The following CEBPZOS variants were observed in gnomAD, a reference collection of about 807,000 sequenced individuals.
The protein encoded by CEBPZOS is CEBPZ opposite strand.
A neutral mutation model predicts 4.8 loss-of-function variants in CEBPZOS; 10 were observed. The observed-to-expected ratio is 2.07, with a 90% CI of 1.28 to 3.52. The LOEUF (loss-of-function observed/expected upper bound fraction) is 3.52, where lower values mean the gene tolerates loss of function less well. CEBPZOS is among the 30% of genes most tolerant of loss of function. The pLI is 0.00. For synonymous variants in CEBPZOS, 25 were observed against 14.2 expected (o/e 1.77, Z -1.72); for missense variants, 98 against 43.6 (o/e 2.25, Z -3.51).
chr2:37,214,832 T>C (rs1558472496), downstream of CEBPZOS: 1 of 1,141,518 alleles, frequency 8.8e-7, no homozygotes, highest in Non-Finnish European at 1.3e-6. Flanking sequence ...TTATGAAATC[T>C]AAAAATTTAA....
At chr2:37,213,821 ATAG>A (rs1558471885), downstream of CEBPZOS, 3 of 1,309,554 alleles carry the variant, frequency 2.3e-6, no homozygotes, top group South Asian at 1.2e-5. Context: ...CTATTAACAC[ATAG>A]TAGTAGATTA....
downstream of CEBPZOS, among the ~76,000 whole-genome samples, chr2:37,215,150 T>C (rs1677837682): frequency 6.6e-6 from 1 of 151,590 alleles, no homozygotes; most frequent in South Asian, 2.1e-4. Flanking sequence ...CATTTGAAAC[T>C]TCACTGGCTA....
intron 4 of CEBPZOS, chr2:37,212,697 C>G: frequency 5.3e-6 from 2 of 375,146 alleles, no homozygotes; most frequent in South Asian, 3.4e-5. Context: ...CCTTTTTACT[C>G]TATTAGAACT....
chr2:37,202,124 G>A lies in CEBPZOS; in HGVS notation c.*264G>A, dbSNP rs186094125. ...GACTAAGGAAGGAAAAGAAACAAAT[G>A]CTCTAAAGATTTTCTCTCCCCAAGC... On this transcript the variant is annotated 3_prime_UTR_variant, in exon 5 of 5. Transcript: ENST00000402297. 1,605 of 345,640 alleles carry A rather than the reference G, an allele frequency of 4.6e-3. 5 individuals carry two copies. The highest frequency in any genetic ancestry group is 6.9e-3 in the Non-Finnish European group (1,334 of 194,204). The allele number at this position is 345,640 out of a possible 1,614,324, so 21.4% of individuals were successfully genotyped here. A position where few individuals can be genotyped will look rare whatever the true frequency, so the allele number is the denominator to read the frequency against.
At chr2:37,212,994 T>G (rs1206461740) in intron 4 of CEBPZOS, among the ~76,000 whole-genome samples, 3 of 151,604 alleles carry the variant, frequency 2.0e-5, no homozygotes, top group Admixed American at 2.0e-4. Context: ...CTGCAGTGAG[T>G]TGGGATTGTG....
At chr2:37,210,985 A>T (rs927357877) in intron 4 of CEBPZOS, 14 of 1,581,762 alleles carry the variant, frequency 8.9e-6, no homozygotes, top group African/African-American at 1.4e-5. Context: ...AAGATATTAA[A>T]TGTATTTTCT....
Position 37,202,285 on chromosome 2 carries a change from G to A in CEBPZOS, c.*425G>A, listed in dbSNP as rs1483047101. On this transcript the variant is annotated 3_prime_UTR_variant, in exon 5 of 5. Coordinates refer to ENST00000402297, the MANE Select transcript of CEBPZOS (RefSeq NM_001322374.2). Reference sequence around the variant, plus strand: ...GTCTAAATACTTGTTAATCTTACATGTTCTCCTGAGAGAAGAAAAAGCCAT... The same window carrying A: ...GTCTAAATACTTGTTAATCTTACATATTCTCCTGAGAGAAGAAAAAGCCAT... The A allele has an allele frequency of 4.5e-5, 7 of 157,122 alleles. No homozygotes were observed. Among genetic ancestry groups the A allele is most frequent in the African/African-American group, 1.7e-4 (7 of 40,176 alleles). The allele number at this position is 157,122 out of a possible 1,614,324, so 9.7% of individuals were successfully genotyped here.
chr2:37,215,608 C>T (rs1677848595), downstream of CEBPZOS: 1 of 152,436 alleles, frequency 6.6e-6, no homozygotes, highest in African/African-American at 2.4e-5. Context: ...GGTCTCTGAA[C>T]AAAAGGGAGA....
chr2:37,197,610 G>T (rs1002552218), intron 1 of CEBPZOS, among the ~76,000 whole-genome samples: 5 of 152,202 alleles, frequency 3.3e-5, no homozygotes, highest in Admixed American at 6.5e-5. Context: ...GGCGGCACAC[G>T]CCTGTAATAC....
chr2:37,200,878 C>CA (rs1473857478), intron 2 of CEBPZOS, among the ~76,000 whole-genome samples, 170 bp from the exon 3 acceptor site: 2 of 151,892 alleles, frequency 1.3e-5, no homozygotes, highest in African/African-American at 4.8e-5. Context: ...GATCCTGACT[C>CA]AAAAAAACAA....
chr2:37,212,273 C>T (rs1677745310), intron 4 of CEBPZOS: 2 of 1,451,766 alleles, frequency 1.4e-6, no homozygotes, highest in South Asian at 1.1e-5. Context: ...GTCTACTGTT[C>T]TGAGGGACAA....
At chr2:37,210,690 A>C (rs900247620) in intron 4 of CEBPZOS, 3 of 246,932 alleles carry the variant, frequency 1.2e-5, no homozygotes, top group South Asian at 5.6e-5. Flanking sequence ...TGATGGGTGC[A>C]CCAAAATCTC....
Position 37,202,000 on chromosome 2 carries a change from C to T in CEBPZOS, c.*140C>T. On this transcript the variant is annotated 3_prime_UTR_variant, in exon 5 of 5. Coordinates refer to ENST00000402297, the MANE Select transcript of CEBPZOS (RefSeq NM_001322374.2). Reference sequence around the variant, plus strand: ...CTGAGTCACAGGAACTTCTAGCCTGCCTTGGCCTGTGGTTTCCCACCCACT... The same window carrying T: ...CTGAGTCACAGGAACTTCTAGCCTGTCTTGGCCTGTGGTTTCCCACCCACT... 4 of 1,194,996 alleles carry T rather than the reference C, an allele frequency of 3.3e-6. No individual in the cohort carries two copies. Among genetic ancestry groups the T allele is most frequent in the Non-Finnish European group, 4.7e-6 (4 of 852,966 alleles). The allele number at this position is 1,194,996 out of a possible 1,614,324, so 74.0% of individuals were successfully genotyped here.
chr2:37,198,916 G>A (rs1677078433), intron 1 of CEBPZOS, among the ~76,000 whole-genome samples: 1 of 152,178 alleles, frequency 6.6e-6, no homozygotes, highest in African/African-American at 2.4e-5. Context: ...CACTTTGGGA[G>A]GCTGAGGTGG....
chr2:37,209,669 C>T (rs1558469562), downstream of CEBPZOS: 1 of 152,044 alleles, frequency 6.6e-6, no homozygotes, highest in African/African-American at 2.4e-5. Flanking sequence ...AAGATAAGAC[C>T]TGAAACTGTA....
At chr2:37,213,806 A>T, downstream of CEBPZOS, 1 of 1,140,018 alleles carries the variant, frequency 8.8e-7, no homozygotes, top group Non-Finnish European at 1.3e-6. Context: ...CTAATGTTCC[A>T]TGGTCTATTA....
downstream of CEBPZOS, chr2:37,208,861 C>A (rs190020797): frequency 1.3e-5 from 2 of 151,854 alleles, no homozygotes; most frequent in South Asian, 2.1e-4. Flanking sequence ...CACTATTCAC[C>A]GATGATATGA....
intron 4 of CEBPZOS, among the ~76,000 whole-genome samples, chr2:37,213,141 G>T (rs532260645): frequency 1.3e-5 from 2 of 152,046 alleles, no homozygotes; most frequent in Non-Finnish European, 2.9e-5. Context: ...TTTTGTTTAA[G>T]TCTATTAAGT....
intron 4 of CEBPZOS, chr2:37,210,004 G>C (rs1677668558): frequency 6.6e-6 from 1 of 152,082 alleles, no homozygotes; most frequent in Non-Finnish European, 1.5e-5. Context: ...TATACAAATG[G>C]TCAAGAAACA....
Sources: allele counts gnomAD v4.1 joint callset (sites outside exome capture counted in the v4.1 genomes callset), GRCh38; gene constraint gnomAD v4.1.1; transcripts MANE v1.5; gene names NCBI Gene and HGNC (gene_info 2026-07-23, HGNC 2026-07-21).